Variants in ITGAM observed in about 807,000 individuals in gnomAD.
ITGAM encodes the protein integrin subunit alpha M.
In ITGAM, 79 loss-of-function variants were observed where a neutral mutation model predicts 137.5. The observed-to-expected ratio is 0.57, with a 90% CI of 0.48 to 0.69. The LOEUF (loss-of-function observed/expected upper bound fraction) is 0.69, where lower values mean the gene tolerates loss of function less well. ITGAM is among the 30% of genes least tolerant of loss of function. The probability of loss-of-function intolerance (pLI) is 0.00; values close to 1 mark genes in which losing one functional copy is unlikely to be tolerated. For missense variants in ITGAM, 1,343 were observed against 1,483.5 expected (o/e 0.91, Z 1.56); for synonymous variants, 583 against 592.3 (o/e 0.98, Z 0.23).
At chr16:31,298,082 A>C in intron 14 of ITGAM, 128 bp downstream of exon 14, 126 of 768,528 alleles carry the variant, frequency 1.6e-4, no homozygotes, top group Middle Eastern at 2.7e-4. Flanking sequence ...AAATAATAAC[A>C]TGTGGCTGGG....
chr16:31,272,896 C>T (rs1406613657), intron 7 of ITGAM, among the ~76,000 whole-genome samples: 1 of 152,060 alleles, frequency 6.6e-6, no homozygotes, highest in Non-Finnish European at 1.5e-5. Flanking sequence ...TTCCAGGTCT[C>T]GGGGCAGTTG....
chr16:31,297,606 C>T lies in ITGAM; in HGVS notation c.1449C>T (p.Tyr483=), dbSNP rs374182650. The T allele has an allele frequency of 6.9e-5, 112 of 1,612,954 alleles. No individual in the cohort carries two copies. Among genetic ancestry groups the T allele is most frequent in the African/African-American group, 5.3e-4 (40 of 74,882 alleles). ...DLVLIGAPHY[Y]EQTRGGQVSV... ...TCCTCATCGGGGCCCCCCATTACTA[C>T]GAGCAGACCCGAGGGGGCCAGGTGT... Residue 483 remains tyrosine, a synonymous_variant, in exon 13 of 30, where the codon TAC becomes TAT. Coordinates refer to ENST00000544665, the MANE Select transcript of ITGAM (RefSeq NM_000632.4).
At chr16:31,328,374 T>G (rs2080531030) in intron 23 of ITGAM, 144 bp downstream of exon 23, 2 of 684,020 alleles carry the variant, frequency 2.9e-6, no homozygotes, top group African/African-American at 1.8e-5. Context: ...GGGTGTGTAT[T>G]TGGGCATGGG....
At chr16:31,313,211 C>T (rs1452859530) in intron 14 of ITGAM, among the ~76,000 whole-genome samples, 16 of 151,294 alleles carry the variant, frequency 1.1e-4, no homozygotes, top group African/African-American at 3.6e-4. Context: ...AGCGAGACTC[C>T]GTCTCAAAAA....
At chr16:31,299,607 C>T (rs765649851) in intron 14 of ITGAM, among the ~76,000 whole-genome samples, 22 of 152,296 alleles carry the variant, frequency 1.4e-4, no homozygotes, top group Non-Finnish European at 2.2e-4. Flanking sequence ...CCGCACCCTG[C>T]CAGTTTGGCT....
intron 5 of ITGAM, 22 bp downstream of exon 5, chr16:31,266,169 G>A: frequency 6.6e-7 from 1 of 1,521,600 alleles, no homozygotes; most frequent in South Asian, 1.1e-5. Flanking sequence ...TTGGCAGAGG[G>A]AACAGATGCG....
Position 31,287,293 on chromosome 16 carries a change from C to T in ITGAM, c.1356+9184C>T, listed in dbSNP as rs146267595. Among the ~76,000 whole-genome samples, 28 of 152,040 alleles carry T rather than the reference C, an allele frequency of 1.8e-4. No homozygotes were observed. In the East Asian group the frequency reaches 3.9e-3, roughly 21 times the overall value. ...GTTTTGGTTACTATAGCCTCATATT[C>T]GGATAGTGTGATGCCTCCAGCTTTG... On this transcript the variant is annotated intron_variant, in intron 12 of 29. Coordinates refer to ENST00000544665, the MANE Select transcript of ITGAM (RefSeq NM_000632.4).
chr16:31,304,272 A>C (rs1409407601), intron 14 of ITGAM, among the ~76,000 whole-genome samples: 1 of 152,014 alleles, frequency 6.6e-6, no homozygotes, highest in Non-Finnish European at 1.5e-5. Flanking sequence ...TCTTTTGAGA[A>C]TTGTCTATTC....
In ITGAM at chr16:31,273,401, G is replaced by A; in HGVS notation, c.741G>A (p.Lys247=). ...TTAACATCACCAACGGAGCCCGAAA[G>A]AATGCCTTTAAGATCCTAGTTGTCA... ...ELFNITNGAR[K]NAFKILVVIT... is the part of the protein sequence containing the mutation. Residue 247 remains lysine, a synonymous_variant, in exon 8 of 30, where the codon AAG becomes AAA. Coordinates refer to ENST00000544665, the MANE Select transcript of ITGAM (RefSeq NM_000632.4). 6.2e-7 allele frequency: 1 copy of A among 1,613,770 alleles called. No individual in the cohort carries two copies.
chr16:31,273,999 T>C (rs1247408890), intron 8 of ITGAM, among the ~76,000 whole-genome samples: 1 of 152,222 alleles, frequency 6.6e-6, no homozygotes, highest in African/African-American at 2.4e-5. Flanking sequence ...AAGTGCTTTT[T>C]TACGCCTCTG....
Position 31,332,716 on chromosome 16 carries a change from A to G in ITGAM, c.*1009A>G, listed in dbSNP as rs2080603942. 6.6e-6 allele frequency: 1 copy of G among 152,226 alleles called. No individual in the cohort carries two copies. Among genetic ancestry groups the G allele is most frequent in the African/African-American group, 2.4e-5 (1 of 41,454 alleles). The allele number at this position is 152,226 out of a possible 1,614,324, so 9.4% of individuals were successfully genotyped here. On this transcript the variant is annotated 3_prime_UTR_variant, in exon 30 of 30. Coordinates refer to ENST00000544665, the MANE Select transcript of ITGAM (RefSeq NM_000632.4). Reference sequence around the variant, plus strand: ...TATTTCTCAGACATCGGTTCATATTAAGACATAAATTACTTTTTCATTCTT... The same window carrying G: ...TATTTCTCAGACATCGGTTCATATTGAGACATAAATTACTTTTTCATTCTT...
chr16:31,286,313 G>A (rs1159311337), intron 12 of ITGAM, among the ~76,000 whole-genome samples: 1 of 152,118 alleles, frequency 6.6e-6, no homozygotes, highest in African/African-American at 2.4e-5. Flanking sequence ...GAACATACGA[G>A]CATGTATCTT....
chr16:31,290,277 C>T (rs1374391343), intron 12 of ITGAM, among the ~76,000 whole-genome samples: 1 of 151,860 alleles, frequency 6.6e-6, no homozygotes, highest in Non-Finnish European at 1.5e-5. Context: ...ATACTGCTAA[C>T]AGGTAGAGAA....
rs2080130211 is a variant in ITGAM, at chr16:31,296,102, TTATC to T, written c.1357-1410_1357-1407del. 5.5e-5 allele frequency among the ~76,000 whole-genome samples: 8 copies of T among 146,654 alleles called. No homozygotes were observed. In the South Asian group the frequency reaches 1.7e-3, roughly 31 times the overall value. On this transcript the variant is annotated intron_variant, in intron 12 of 29. Transcript: ENST00000544665. Reference sequence around the variant, plus strand: ...ACACTTGATCATGGTTATTATCTTTTTATCTTTTTTTTTTTTTTTTTTAACAGAG... The same window carrying T: ...ACACTTGATCATGGTTATTATCTTTTTTTTTTTTTTTTTTTTTTAACAGAG...
At chr16:31,322,672 T>G (rs1357014927) in intron 16 of ITGAM, among the ~76,000 whole-genome samples, 1 of 152,104 alleles carries the variant, frequency 6.6e-6, no homozygotes, top group Non-Finnish European at 1.5e-5. Flanking sequence ...GACCCACAGG[T>G]GATTCAGAAA....
chr16:31,277,433 A>G (rs1288632612), intron 11 of ITGAM, among the ~76,000 whole-genome samples: 2 of 150,588 alleles, frequency 1.3e-5, no homozygotes, highest in African/African-American at 4.9e-5. Flanking sequence ...ATCTTGGCTC[A>G]CCACAACCTC....
intron 16 of ITGAM, among the ~76,000 whole-genome samples, chr16:31,322,763 G>A (rs2080463268): frequency 6.6e-6 from 1 of 152,114 alleles, no homozygotes; most frequent in African/African-American, 2.4e-5. Context: ...GAGAACTTCA[G>A]CAAAAACCTG....
At chr16:31,264,324 G>C (rs1160062874) in intron 2 of ITGAM, among the ~76,000 whole-genome samples, 2 of 152,066 alleles carry the variant, frequency 1.3e-5, no homozygotes, top group Non-Finnish European at 2.9e-5. Flanking sequence ...GCACACACCT[G>C]TAATCCCAGC....
rs760109295 is a variant in ITGAM, at chr16:31,266,080, A to G, written c.360A>G (p.Lys120=). The change falls in exon 5 of 30, where the codon AAA becomes AAG. Residue 120 remains lysine, a synonymous_variant. Coordinates refer to ENST00000544665, the MANE Select transcript of ITGAM (RefSeq NM_000632.4). The part of the protein sequence containing the change: ...HQTCSENTYV[K]GLCFLFGSNL... ...CTTGCAGTGAGAACACGTATGTGAA[A>G]GGGCTCTGCTTCCTGTTTGGATCCA... 1 of 1,613,944 alleles carries G rather than the reference A, an allele frequency of 6.2e-7. No individual in the cohort carries two copies. The highest frequency in any genetic ancestry group is 8.5e-7 in the Non-Finnish European group (1 of 1,179,882).
Sources: allele counts gnomAD v4.1 joint callset (sites outside exome capture counted in the v4.1 genomes callset), GRCh38; gene constraint gnomAD v4.1.1; transcripts MANE v1.5; gene names NCBI Gene and HGNC (gene_info 2026-07-23, HGNC 2026-07-21).